The following NR3C2 variants were observed in gnomAD, a reference collection of about 807,000 sequenced individuals.
The protein encoded by NR3C2 is mineralocorticoid receptor.
NR3C2 carries 15 observed loss-of-function variants against 86.4 expected under a neutral mutation model. The observed-to-expected ratio is 0.17, with a 90% CI of 0.12 to 0.27. The LOEUF (loss-of-function observed/expected upper bound fraction) is 0.27. NR3C2 is among the 10% of genes least tolerant of loss of function. The probability of loss-of-function intolerance (pLI) is 1.00; values close to 1 mark genes in which losing one functional copy is unlikely to be tolerated. For missense variants in NR3C2, 960 were observed against 1,195.6 expected (o/e 0.80, Z 2.91); for synonymous variants, 458 against 450.5 (o/e 1.02, Z -0.21).
intron 2 of NR3C2, among the ~76,000 whole-genome samples, chr4:148,270,797 A>G (rs1342388391): frequency 6.6e-6 from 1 of 152,154 alleles, no homozygotes; most frequent in Non-Finnish European, 1.5e-5. Flanking sequence ...TAGCCCCAAT[A>G]TACTTCAGGA....
In NR3C2 at chr4:148,436,737, A is replaced by G. The variant is rs1750098287; in HGVS notation, c.124T>C (p.Tyr42His). The change falls in exon 2 of 9, where the codon TAC becomes CAC. Residue 42 changes from tyrosine to histidine, a missense_variant. Around this residue, in one of 4 missense-constraint regions of NR3C2, gnomAD observed 680 missense variants for 719.0 expected, o/e 0.95. Transcript: ENST00000358102. ...CAGCTTACGTTGACAATCTCCATGT[A>G]GTTATTCTCATCGGTCCTCTCTGTA... ...GPTERTDENNYMEIVNVSCVS... is the reference protein window; with the variant it reads ...GPTERTDENNHMEIVNVSCVS... The G allele has an allele frequency of 3.7e-6, 6 of 1,614,070 alleles. No individual in the cohort carries two copies. The highest frequency in any genetic ancestry group is 1.7e-5 in the Admixed American group (1 of 60,004).
chr4:148,381,269 T>A (rs994955844), intron 2 of NR3C2, among the ~76,000 whole-genome samples: 13 of 151,690 alleles, frequency 8.6e-5, no homozygotes, highest in Non-Finnish European at 1.6e-4. Context: ...AGGATAAGAA[T>A]AAATCTGGAA....
intron 4 of NR3C2, among the ~76,000 whole-genome samples, chr4:148,171,249 C>T (rs969268150): frequency 2.1e-4 from 32 of 152,094 alleles, no homozygotes; most frequent in African/African-American, 7.7e-4. Context: ...TTGAAAGTTG[C>T]ACCTCTTTCC....
At position 148,436,237 on chromosome 4, in the gene NR3C2, A is replaced by G. The variant is rs755255724; in HGVS notation, c.624T>C (p.Ala208=). ...TGGTGGAGGACACAGAGTTGATTCC[A>G]GCAGGGCTGCAAACCGAAGATGTCA... ...LNMTSSVCSP[A]GINSVSSTTA... is the part of the protein sequence containing the mutation. The change falls in exon 2 of 9, where the codon GCT becomes GCC. Residue 208 remains alanine, a synonymous_variant. Coordinates refer to ENST00000358102, the MANE Select transcript of NR3C2 (RefSeq NM_000901.5). 1 of 1,614,224 alleles carries G rather than the reference A, an allele frequency of 6.2e-7. No individual in the cohort carries two copies. Among genetic ancestry groups the G allele is most frequent in the Non-Finnish European group, 8.5e-7 (1 of 1,180,036 alleles).
intron 2 of NR3C2, among the ~76,000 whole-genome samples, chr4:148,278,103 T>C (rs1301913876): frequency 4.6e-5 from 7 of 152,168 alleles, no homozygotes; most frequent in Admixed American, 3.9e-4. Context: ...TTTGTTTGTT[T>C]GTTTGTTTGT....
chr4:148,148,030 C>T (rs1234464796), intron 6 of NR3C2, among the ~76,000 whole-genome samples: 3 of 149,798 alleles, frequency 2.0e-5, no homozygotes, highest in Non-Finnish European at 4.5e-5. Context: ...TTAGTCAGGA[C>T]ACCTCTTTAG....
At chr4:148,132,477 T>C (rs1733083761) in intron 6 of NR3C2, among the ~76,000 whole-genome samples, 1 of 152,174 alleles carries the variant, frequency 6.6e-6, no homozygotes, top group Non-Finnish European at 1.5e-5. Flanking sequence ...ACTAGGGGCC[T>C]TGGTACAGGG....
chr4:148,089,920 CT>C (rs1245599222), intron 8 of NR3C2, among the ~76,000 whole-genome samples: 1 of 152,192 alleles, frequency 6.6e-6, no homozygotes, highest in African/African-American at 2.4e-5. Context: ...GTGAGGGGGA[CT>C]TTTTCCTTTT....
chr4:148,334,779 A>T (rs977950301), intron 2 of NR3C2, among the ~76,000 whole-genome samples: 1 of 152,232 alleles, frequency 6.6e-6, no homozygotes, highest in Non-Finnish European at 1.5e-5. Context: ...AAACTACAGG[A>T]GAATTTATTC....
intron 3 of NR3C2, among the ~76,000 whole-genome samples, chr4:148,259,427 C>T (rs1739985903): frequency 7.0e-6 from 1 of 143,616 alleles, no homozygotes; most frequent in Non-Finnish European, 1.5e-5. Context: ...TAGTGAATCT[C>T]AGTCAGGTTT....
rs548602386 is a variant in NR3C2, at chr4:148,152,567, A to G, written c.2412T>C (p.Tyr804=). The G allele has an allele frequency of 6.0e-5, 97 of 1,613,762 alleles. No individual in the cohort carries two copies. The Admixed American group carries it at 9.5e-4, about 16-fold the overall frequency. The change falls in exon 6 of 9, where the codon TAT becomes TAC. Residue 804 remains tyrosine, a synonymous_variant. Transcript: ENST00000358102. ...PLEDQITLIQ[Y]SWMCLSSFAL... ...CAAATGATGATAGACACATCCAAGA[A>G]TACTGGATTAGGGTAATTTGGTCCT...
chr4:148,265,909 T>C (rs1740362114), intron 2 of NR3C2, among the ~76,000 whole-genome samples: 1 of 152,124 alleles, frequency 6.6e-6, no homozygotes, highest in Non-Finnish European at 1.5e-5. Context: ...GAAAAGTCCT[T>C]ATCCTCATGG....
chr4:148,198,802 CA>C (rs1736568069), intron 3 of NR3C2, among the ~76,000 whole-genome samples: 1 of 151,564 alleles, frequency 6.6e-6, no homozygotes, highest in Middle Eastern at 3.2e-3. Context: ...AAAATGGGGC[CA>C]GGTGCGGTGG....
chr4:148,105,204 C>T (rs113883229), intron 8 of NR3C2, among the ~76,000 whole-genome samples: 4,962 of 152,158 alleles, frequency 0.033, 266 homozygotes, highest in African/African-American at 0.11. Context: ...ATAAAGGGGA[C>T]ATCACCACTG....
chr4:148,241,863 C>T (rs377478646), intron 3 of NR3C2, among the ~76,000 whole-genome samples: 1 of 152,112 alleles, frequency 6.6e-6, no homozygotes, highest in Non-Finnish European at 1.5e-5. Flanking sequence ...ACTACTACAG[C>T]AAATCATATT....
intron 3 of NR3C2, among the ~76,000 whole-genome samples, chr4:148,252,728 G>A (rs955365053): frequency 2.0e-5 from 3 of 152,120 alleles, no homozygotes; most frequent in African/African-American, 4.8e-5. Flanking sequence ...GGCCAGACTC[G>A]ACAAAGGCCT....
rs181902984 is a variant in NR3C2, at chr4:148,222,978, G to A, written c.1898-28116C>T. Among the ~76,000 whole-genome samples the A allele has an allele frequency of 2.5e-3, 376 of 152,242 alleles. 1 individual carries two copies. The highest frequency in any genetic ancestry group is 1.2e-3 in the East Asian group (6 of 5,184). On this transcript the variant is annotated intron_variant, in intron 3 of 8. Coordinates refer to ENST00000358102, the MANE Select transcript of NR3C2 (RefSeq NM_000901.5). ...GGAGAGGAGAAACAGCAAGATATTA[G>A]TGGTAAAAAACCAAAACAAAACAAA...
At chr4:148,250,890 G>A (rs1739541294) in intron 3 of NR3C2, among the ~76,000 whole-genome samples, 1 of 152,036 alleles carries the variant, frequency 6.6e-6, no homozygotes, top group South Asian at 2.1e-4. Context: ...TTTTCACAGA[G>A]CTGGGTCTGC....
intron 2 of NR3C2, among the ~76,000 whole-genome samples, chr4:148,330,475 T>C (rs907477039): frequency 4.6e-5 from 7 of 152,174 alleles, no homozygotes; most frequent in African/African-American, 1.4e-4. Context: ...AACAACCCTC[T>C]TCCTGTGACA....
Sources: gnomAD v4.1 joint callset for allele counts (sites outside exome capture counted in the v4.1 genomes callset) on GRCh38, gnomAD v4.1.1 for gene constraint, gnomAD v4.1.1 regional missense constraint, MANE v1.5 for transcripts, NCBI Gene and HGNC (gene_info 2026-07-23, HGNC 2026-07-21) for gene names.